ANO1: variants seen among roughly 807,000 people sequenced by gnomAD.
ANO1 encodes anoctamin 1, also known as anoctamin-1.
A neutral mutation model predicts 124.0 loss-of-function variants in ANO1; 59 were observed. The ratio of observed to expected loss-of-function variants is 0.48; its 90% CI spans 0.39 to 0.59. ANO1 has a LOEUF of 0.59. Among genes scored for constraint, ANO1 ranks in the 20% least tolerant of loss-of-function variants. The pLI is 0.00. For missense variants in ANO1, 1,059 were observed against 1,328.0 expected, an observed-to-expected ratio of 0.80 and a Z score of 3.15; for synonymous variants, 529 against 532.0, an observed-to-expected ratio of 0.99 and a Z score of 0.08.
intron 2 of ANO1, among the ~76,000 whole-genome samples, chr11:70,101,247 C>T (rs1481715417): frequency 6.6e-6 from 1 of 152,030 alleles, no homozygotes; most frequent in Non-Finnish European, 1.5e-5. Flanking sequence ...CCGAGGCTCT[C>T]GCTGGGTACA....
intron 1 of ANO1, among the ~76,000 whole-genome samples, chr11:69,993,080 C>T (rs1554997802): frequency 6.6e-6 from 1 of 152,114 alleles, no homozygotes; most frequent in African/African-American, 2.4e-5. Flanking sequence ...GCTCTGGGTC[C>T]CCACATGCAG....
chr11:70,053,100 C>A (rs1231373139), intron 1 of ANO1, among the ~76,000 whole-genome samples: 1 of 152,040 alleles, frequency 6.6e-6, no homozygotes, highest in Non-Finnish European at 1.5e-5. Context: ...GAGTGTTAAT[C>A]TTGTATTCAG....
intron 1 of ANO1, among the ~76,000 whole-genome samples, chr11:70,042,249 C>T (rs372290653): frequency 2.0e-5 from 3 of 152,250 alleles, no homozygotes; most frequent in East Asian, 1.9e-4. Context: ...AGCCCTGAGG[C>T]AGCTCAGGGC....
intron 1 of ANO1, chr11:70,085,768 C>G: frequency 3.7e-6 from 5 of 1,365,566 alleles, no homozygotes; most frequent in Non-Finnish European, 4.8e-6. Flanking sequence ...TTCCCTCCCC[C>G]TCTCCCCCAC....
chr11:70,100,208 G>T (rs1472845501), intron 2 of ANO1, among the ~76,000 whole-genome samples: 1 of 152,184 alleles, frequency 6.6e-6, no homozygotes, highest in Non-Finnish European at 1.5e-5. Flanking sequence ...AGCCCTGCAG[G>T]ACCGCAACCT....
intron 1 of ANO1, chr11:70,063,708 A>G (rs1357616595): frequency 6.6e-6 from 1 of 151,996 alleles, no homozygotes; most frequent in Non-Finnish European, 1.5e-5. Flanking sequence ...CTCTCTTTTG[A>G]TCATTTTTTG....
intron 1 of ANO1, among the ~76,000 whole-genome samples, chr11:70,014,403 G>A (rs1856662789): frequency 6.6e-6 from 1 of 152,100 alleles, no homozygotes; most frequent in Non-Finnish European, 1.5e-5. Flanking sequence ...CCGTTGCAGA[G>A]CTTATCCTTG....
chr11:70,156,427 A>G (rs531818876), intron 15 of ANO1, among the ~76,000 whole-genome samples: 1 of 152,288 alleles, frequency 6.6e-6, no homozygotes, highest in South Asian at 2.1e-4. Flanking sequence ...TCTCCAGACC[A>G]AGCCAACCCT....
At chr11:70,024,675 C>T (rs1300557361) in intron 1 of ANO1, among the ~76,000 whole-genome samples, 1 of 152,198 alleles carries the variant, frequency 6.6e-6, no homozygotes, top group African/African-American at 2.4e-5. Flanking sequence ...TTGACTCGGG[C>T]TCCCAAGTTC....
intron 25 of ANO1, among the ~76,000 whole-genome samples, 162 bp downstream of exon 25, chr11:70,185,857 C>T (rs762264394): frequency 1.3e-5 from 2 of 152,196 alleles, no homozygotes; most frequent in South Asian, 2.1e-4. Flanking sequence ...GGGACTTGGC[C>T]GACCCCAGGC....
chr11:70,056,559 A>T (rs982955623), intron 1 of ANO1: 1 of 152,184 alleles, frequency 6.6e-6, no homozygotes, highest in Non-Finnish European at 1.5e-5. Context: ...TAACGCAAGA[A>T]AAATAAATAA....
Position 70,083,065 on chromosome 11 carries a change from G to A in ANO1, c.108+4351G>A, listed in dbSNP as rs74502875. ...CCCAGCATCACATCCAGCTCCTTTTGTAACTTTTTAAAGTCTGGATTTGGC... is the reference window on the plus strand; with the variant it reads ...CCCAGCATCACATCCAGCTCCTTTTATAACTTTTTAAAGTCTGGATTTGGC... On this transcript the variant is annotated intron_variant, in intron 1 of 25. Transcript: ENST00000355303. Among the ~76,000 whole-genome samples the A allele has an allele frequency of 1.2e-4, 18 of 152,202 alleles. No homozygotes were observed. The East Asian group carries it at 2.9e-3, about 24-fold the overall frequency.
intron 1 of ANO1, among the ~76,000 whole-genome samples, chr11:70,050,374 C>G (rs1296595265): frequency 6.6e-6 from 1 of 152,164 alleles, no homozygotes; most frequent in African/African-American, 2.4e-5. Context: ...CAGGCCACGG[C>G]CCACTTACTT....
chr11:69,986,899 A>C (rs1373566672), intron 1 of ANO1, among the ~76,000 whole-genome samples: 1 of 152,124 alleles, frequency 6.6e-6, no homozygotes, highest in African/African-American at 2.4e-5. Flanking sequence ...GGTTTTATTT[A>C]ATTACACGCT....
At chr11:70,164,564 G>A (rs1031272823) in intron 19 of ANO1, among the ~76,000 whole-genome samples, 3 of 152,210 alleles carry the variant, frequency 2.0e-5, no homozygotes, top group African/African-American at 7.2e-5. Context: ...CAAGTGTAGG[G>A]TTTGTTAGGT....
intron 8 of ANO1, among the ~76,000 whole-genome samples, chr11:70,123,898 G>A (rs1299617431): frequency 6.6e-6 from 1 of 152,084 alleles, no homozygotes; most frequent in Non-Finnish European, 1.5e-5. Flanking sequence ...GGGGTAACAG[G>A]GTGTGTGTCA....
In ANO1 at chr11:70,189,013, T is replaced by A. The variant is rs914058446; in HGVS notation, c.*1009T>A. On this transcript the variant is annotated 3_prime_UTR_variant, in exon 26 of 26. Coordinates refer to ENST00000355303, the MANE Select transcript of ANO1 (RefSeq NM_018043.7). ...TTTAAAATACTGTTACTACCAAAGA[T>A]TTTTATTAATAAAGGCTTATATTTT... 6.6e-6 allele frequency: 1 copy of A among 152,614 alleles called. No individual in the cohort carries two copies. Among genetic ancestry groups the A allele is most frequent in the Non-Finnish European group, 1.5e-5 (1 of 68,042 alleles). The allele number at this position is 152,614 out of a possible 1,614,324, so 9.5% of individuals were successfully genotyped here.
At chr11:69,980,370 T>A in the ANO1 span, among the ~76,000 whole-genome samples, 1 of 152,120 alleles carries the variant, frequency 6.6e-6, no homozygotes, top group African/African-American at 2.4e-5. Flanking sequence ...ACACCTGTAA[T>A]CCCAGCACTT....
chr11:69,966,605 G>T, the ANO1 span, among the ~76,000 whole-genome samples: 12 of 152,194 alleles, frequency 7.9e-5, no homozygotes, highest in African/African-American at 2.9e-4. Flanking sequence ...CGATGGAAGA[G>T]CTGGCGATGG....
Sources: gnomAD v4.1 joint callset for allele counts (sites outside exome capture counted in the v4.1 genomes callset) on GRCh38, gnomAD v4.1.1 for gene constraint, MANE v1.5 for transcripts, NCBI Gene and HGNC (gene_info 2026-07-23, HGNC 2026-07-21) for gene names.